The following SCAF1 variants were observed in gnomAD, a reference collection of about 807,000 sequenced individuals.
The protein encoded by SCAF1 is splicing factor, arginine/serine-rich 19.
Under a neutral mutation model 91.2 loss-of-function variants are expected in SCAF1, and 28 were observed. That is an observed-to-expected ratio of 0.31 (90% confidence interval 0.23 to 0.42). The LOEUF (loss-of-function observed/expected upper bound fraction) is 0.42, where lower values mean the gene tolerates loss of function less well. SCAF1 is among the 10% of genes least tolerant of loss of function. The pLI, the probability that SCAF1 is intolerant of heterozygous loss-of-function variation, is 1.00. For missense variants in SCAF1, 1,893 were observed against 1,872.1 expected (o/e 1.01, Z -0.21); for synonymous variants, 1,036 against 833.7 (o/e 1.24, Z -4.18).
chr19:49,648,568 C>G (rs922369612), intron 6 of SCAF1, among the ~76,000 whole-genome samples: 4 of 150,888 alleles, frequency 2.7e-5, no homozygotes, highest in East Asian at 1.9e-4. Context: ...ACACCCCCCC[C>G]CCTTTTTTTT....
chr19:49,645,008 C>G lies in SCAF1; in HGVS notation c.-6-13C>G, dbSNP rs541739692. The G allele has an allele frequency of 1.9e-5, 31 of 1,605,426 alleles. No homozygotes were observed. Among genetic ancestry groups the G allele is most frequent in the East Asian group, 1.6e-4 (7 of 44,814 alleles). ...GGGACCTCCACTCCAAACTCTCCCC[C>G]CTGGACCCCCAGGTGACCATGGAGG... On this transcript the variant is annotated splice_polypyrimidine_tract_variant and intron_variant, in intron 1 of 10. Coordinates refer to ENST00000360565, the MANE Select transcript of SCAF1 (RefSeq NM_021228.3). This position sits in a 1 kb window ranked among gnomAD's most constrained non-coding sequence, Gnocchi z 4.6.
In SCAF1 at chr19:49,652,060, G is replaced by A. The variant is rs1298361284; in HGVS notation, c.1671G>A (p.Ser557=). Residue 557 remains serine, a synonymous_variant, in exon 7 of 11, where the codon TCG becomes TCA. Coordinates refer to ENST00000360565, the MANE Select transcript of SCAF1 (RefSeq NM_021228.3). ...ASPWDSKKHR[S]RDRKPGSHAS... is the part of the protein sequence containing the mutation. ...CCTGGGACTCCAAGAAGCACCGCTC[G>A]CGGGACCGCAAGCCCGGCTCCCACG... 1.6e-6 allele frequency: 2 copies of A among 1,225,674 alleles called. No homozygotes were observed. Among genetic ancestry groups the A allele is most frequent in the Non-Finnish European group, 1.0e-6 (1 of 970,084 alleles). 75.9% of individuals were successfully genotyped at this position (1,225,674 alleles called of 1,614,324 possible).
Position 49,652,324 on chromosome 19 carries a change from G to A in SCAF1, c.1935G>A (p.Lys645=). The A allele has an allele frequency of 6.5e-7, 1 of 1,535,060 alleles. No individual in the cohort carries two copies. Among genetic ancestry groups the A allele is most frequent in the Non-Finnish European group, 8.7e-7 (1 of 1,143,300 alleles). ...GTGGCGGCAGCAAGAAGAAGAAGAAGCGGTCGCGGTCCCGGGGTGAGAAGC... is the reference window on the plus strand; with the variant it reads ...GTGGCGGCAGCAAGAAGAAGAAGAAACGGTCGCGGTCCCGGGGTGAGAAGC... ...RDGGGSKKKK[K]RSRSRGEKRS... is the part of the protein sequence containing the mutation. Residue 645 remains lysine, a synonymous_variant, in exon 7 of 11, where the codon AAG becomes AAA. Coordinates refer to ENST00000360565, the MANE Select transcript of SCAF1 (RefSeq NM_021228.3).
In SCAF1 at chr19:49,653,458, G is replaced by GGAGGAGGAGGAAGAAGAA. The variant is rs764348745; in HGVS notation, c.3084_3101dup (p.Glu1034_Glu1039dup). The GGAGGAGGAGGAAGAAGAA allele has an allele frequency of 2.6e-6, 4 of 1,545,994 alleles. No individual in the cohort carries two copies. The highest frequency in any genetic ancestry group is 2.3e-5 in the East Asian group (1 of 43,040). On this transcript the variant is annotated inframe_insertion, in exon 7 of 11. Coordinates refer to ENST00000360565, the MANE Select transcript of SCAF1 (RefSeq NM_021228.3). ...CTGGGGTCCGAGGTGGGGCGGAGGA[G>GGAGGAGGAGGAAGAAGAA]GAGGAGGAGGAAGAAGAAGAGGAGG... is the stretch of plus-strand genomic sequence containing the variant.
rs776491137 is a variant in SCAF1, at chr19:49,651,178, G to C, written c.789G>C (p.Gly263=). 2 of 1,613,226 alleles carry C rather than the reference G, an allele frequency of 1.2e-6. No individual in the cohort carries two copies. The highest frequency in any genetic ancestry group is 1.7e-5 in the Admixed American group (1 of 59,936). Reference sequence around the variant, plus strand: ...GCTCCAACCCCAGCTCATCAGCGGGGACCCCCTCACCTGAGGAGGAAGAGG... The same window carrying C: ...GCTCCAACCCCAGCTCATCAGCGGGCACCCCCTCACCTGAGGAGGAAGAGG... The part of the protein sequence containing the change: ...PTGSNPSSSA[G]TPSPEEEEEE... Residue 263 remains glycine, a synonymous_variant, in exon 7 of 11, where the codon GGG becomes GGC. Coordinates refer to ENST00000360565, the MANE Select transcript of SCAF1 (RefSeq NM_021228.3).
intron 6 of SCAF1, among the ~76,000 whole-genome samples, chr19:49,650,640 C>G (rs1295209431): frequency 6.6e-6 from 1 of 152,158 alleles, no homozygotes; most frequent in Admixed American, 6.5e-5. Context: ...TCTGTGTGCC[C>G]TTGGGGAGGA....
At position 49,652,704 on chromosome 19, in the gene SCAF1, C is replaced by G. The variant is rs765613770; in HGVS notation, c.2315C>G (p.Ala772Gly). 13 of 1,581,090 alleles carry G rather than the reference C, an allele frequency of 8.2e-6. No homozygotes were observed. Among genetic ancestry groups the G allele is most frequent in the Admixed American group, 3.7e-5 (2 of 54,736 alleles). ...SSREKGSRRKALDGGDRDRDR... is the reference protein window; with the variant it reads ...SSREKGSRRKGLDGGDRDRDR... ...CGGGAGAAGGGGTCTCGTCGGAAGG[C>G]GCTGGACGGGGGTGACCGGGATCGG... Residue 772 changes from alanine (A) to glycine (G), a missense_variant, in exon 7 of 11, where the codon GCG becomes GGG. Physicochemically the swap from Ala to Gly is moderately conservative, Grantham distance 60. Around this residue, in one of 5 missense-constraint regions of SCAF1, gnomAD observed 1,436 missense variants for 1,306.8 expected, o/e 1.10. Transcript: ENST00000360565.
In SCAF1 at chr19:49,651,321, G is replaced by C; in HGVS notation, c.932G>C (p.Ser311Thr). The change falls in exon 7 of 11, where the codon AGC becomes ACC. Residue 311 changes from serine to threonine, a missense_variant. Physicochemically the swap from Ser to Thr is moderately conservative, Grantham distance 58. Around this residue, in one of 5 missense-constraint regions of SCAF1, gnomAD observed 80 missense variants for 116.6 expected, o/e 0.69. Transcript: ENST00000360565. ...LAGIYDDNSL[S>T]QDFPGDESPR... ...GGCATCTACGATGACAACAGCCTGAGCCAGGACTTCCCAGGTGACGAGAGC... is the reference window on the plus strand; with the variant it reads ...GGCATCTACGATGACAACAGCCTGACCCAGGACTTCCCAGGTGACGAGAGC... 2 of 1,610,326 alleles carry C rather than the reference G, an allele frequency of 1.2e-6. No individual in the cohort carries two copies. The highest frequency in any genetic ancestry group is 1.7e-6 in the Non-Finnish European group (2 of 1,179,880).
chr19:49,653,670 C>T lies in SCAF1; in HGVS notation c.3281C>T (p.Ala1094Val). ...CCGCCCATGCCCTGGAATCTGCCAGCTGGTGTGGACTGCACCACCAGCGGC... is the reference window on the plus strand; with the variant it reads ...CCGCCCATGCCCTGGAATCTGCCAGTTGGTGTGGACTGCACCACCAGCGGC... ...LPPPMPWNLP[A>V]GVDCTTSGVL... Residue 1094 changes from alanine (A) to valine (V), a missense_variant, in exon 7 of 11, where the codon GCT (alanine) becomes GTT (valine). By Grantham distance (64) the Ala-to-Val change is moderately conservative (BLOSUM62 0). This residue lies in a region of SCAF1 where 1,436 missense variants were observed against 1,306.8 expected (regional missense o/e 1.10). Coordinates refer to ENST00000360565, the MANE Select transcript of SCAF1 (RefSeq NM_021228.3). 1 of 1,586,144 alleles carries T rather than the reference C, an allele frequency of 6.3e-7. No individual in the cohort carries two copies.
rs753864181 is a variant in SCAF1 at position 49,654,397 on chromosome 19, C to T, written c.3365C>T (p.Ala1122Val). The T allele has an allele frequency of 3.7e-6, 6 of 1,613,382 alleles. No homozygotes were observed. Among genetic ancestry groups the T allele is most frequent in the African/African-American group, 1.3e-5 (1 of 74,910 alleles). The stretch of plus-strand genomic sequence containing the variant: ...GAAGAAGCCAACCTGGCGAGCCGAG[C>T]GAAGGCCCAGGAGCTGATCCAGGCC... ...KMEEANLASR[A>V]KAQELIQATN... Residue 1122 changes from alanine to valine, a missense_variant, in exon 8 of 11, where the codon GCG (alanine) becomes GTG (valine). By Grantham distance (64) the Ala-to-Val change is moderately conservative. Coordinates refer to ENST00000360565, the MANE Select transcript of SCAF1 (RefSeq NM_021228.3).
Position 49,646,889 on chromosome 19 carries a change from G to A in SCAF1, c.478+59G>A. The A allele has an allele frequency of 1.6e-6, 2 of 1,287,416 alleles. No individual in the cohort carries two copies. Among genetic ancestry groups the A allele is most frequent in the Non-Finnish European group, 2.2e-6 (2 of 922,532 alleles). The allele number at this position is 1,287,416 out of a possible 1,614,324, so 79.7% of individuals were successfully genotyped here. On this transcript the variant is annotated intron_variant, in intron 6 of 10. Coordinates refer to ENST00000360565, the MANE Select transcript of SCAF1 (RefSeq NM_021228.3). The surrounding 1 kb of genome is among the most constrained non-coding windows in gnomAD (Gnocchi z 5.6). ...TCGTGGAGTTGTGTGGGGATCGGCT[G>A]TTTTTGGTAGTGATGGTAGCGGTGA...
In SCAF1 at chr19:49,652,078, C is replaced by T. The variant is rs1190131991; in HGVS notation, c.1689C>T (p.Gly563=). 1.7e-6 allele frequency: 2 copies of T among 1,194,984 alleles called. No homozygotes were observed. Among genetic ancestry groups the T allele is most frequent in the Non-Finnish European group, 2.1e-6 (2 of 951,756 alleles). The allele number at this position is 1,194,984 out of a possible 1,614,324, so 74.0% of individuals were successfully genotyped here. The part of the protein sequence containing the change: ...KKHRSRDRKP[G]SHASSSARRR... ...ACCGCTCGCGGGACCGCAAGCCCGG[C>T]TCCCACGCCTCGTCGTCCGCCCGCC... The change falls in exon 7 of 11, where the codon GGC becomes GGT. Residue 563 remains glycine, a synonymous_variant. Coordinates refer to ENST00000360565, the MANE Select transcript of SCAF1 (RefSeq NM_021228.3).
Position 49,645,689 on chromosome 19 carries a change from C to T in SCAF1, c.166+278C>T, listed in dbSNP as rs575771727. Among the ~76,000 whole-genome samples, 9 of 152,288 alleles carry T rather than the reference C, an allele frequency of 5.9e-5. No homozygotes were observed. In the East Asian group the frequency reaches 9.7e-4, roughly 16 times the overall value. ...CCCCGAGCAGGGACAGTGAACGGCTCTCTAAGGACCTAGAAGAGTCTAAGG... is the reference window on the plus strand; with the variant it reads ...CCCCGAGCAGGGACAGTGAACGGCTTTCTAAGGACCTAGAAGAGTCTAAGG... On this transcript the variant is annotated intron_variant, in intron 3 of 10. Coordinates refer to ENST00000360565, the MANE Select transcript of SCAF1 (RefSeq NM_021228.3). The surrounding 1 kb of genome is among the most constrained non-coding windows in gnomAD (Gnocchi z 4.6).
chr19:49,645,051 G>C lies in SCAF1; in HGVS notation c.25G>C (p.Gly9Arg). ...CATGGAGGAAGAAGATGAGTCTCGA[G>C]GGAAGACAGAGGAGTCGGGGGAGGA... is the stretch of plus-strand genomic sequence containing the variant. MEEEDESRGKTEESGEDRG... is the reference protein window; with the variant it reads MEEEDESRRKTEESGEDRG... Residue 9 changes from glycine (G) to arginine (R), a missense_variant, in exon 2 of 11, where the codon GGG (glycine) becomes CGG (arginine). Physicochemically the swap from Gly to Arg is moderately radical, Grantham distance 125 (BLOSUM62 -2). Coordinates refer to ENST00000360565, the MANE Select transcript of SCAF1 (RefSeq NM_021228.3). This position sits in a 1 kb window ranked among gnomAD's most constrained non-coding sequence, Gnocchi z 4.6. 1 of 1,614,138 alleles carries C rather than the reference G, an allele frequency of 6.2e-7. No homozygotes were observed. The highest frequency in any genetic ancestry group is 2.2e-5 in the East Asian group (1 of 44,890).
rs772783911 is a variant in SCAF1 at position 49,652,989 on chromosome 19, G to A, written c.2600G>A (p.Ser867Asn). ...AGLGSIGVKF[S>N]RDRESRSPFL... is the part of the protein sequence containing the mutation. Reference sequence around the variant, plus strand: ...CTGGGCTCCATTGGCGTCAAATTCAGCCGTGACCGCGAGAGTCGCTCCCCC... The same window carrying A: ...CTGGGCTCCATTGGCGTCAAATTCAACCGTGACCGCGAGAGTCGCTCCCCC... Residue 867 changes from serine (S) to asparagine (N), a missense_variant, in exon 7 of 11, where the codon AGC (serine) becomes AAC (asparagine). Transcript: ENST00000360565. 2.5e-6 allele frequency: 4 copies of A among 1,613,992 alleles called. No individual in the cohort carries two copies. In the Admixed American group the frequency reaches 6.7e-5, roughly 27 times the overall value.
chr19:49,652,114 CTCCCG>C lies in SCAF1; in HGVS notation c.1726_1730del (p.Ser576LeufsTer75). ...CGTCGTCCGCCCGCCGCCGCTCCCG[CTCCCG>C]CTCCCGCTCCCGCTCCACCCGCCGC... On this transcript the variant is annotated frameshift_variant, in exon 7 of 11. Transcript: ENST00000360565. LOFTEE classifies it high-confidence loss of function. 2.8e-6 allele frequency: 3 copies of C among 1,083,310 alleles called. No individual in the cohort carries two copies. In the South Asian group the frequency reaches 6.9e-5, roughly 25 times the overall value. 67.1% of individuals were successfully genotyped at this position (1,083,310 alleles called of 1,614,324 possible).
rs1178141327 is a variant in SCAF1, at chr19:49,652,834, C to T, written c.2445C>T (p.Ser815=). ...SGPPPKPPVS[S]GSGSSSSSSS... ...CCCCGCCAAAGCCACCAGTCAGCAG[C>T]GGCTCAGGCTCTTCATCCTCGTCGT... is the stretch of plus-strand genomic sequence containing the variant. The change falls in exon 7 of 11, where the codon AGC becomes AGT. Residue 815 remains serine (S), a synonymous_variant. Transcript: ENST00000360565. 2 of 1,614,042 alleles carry T rather than the reference C, an allele frequency of 1.2e-6. No homozygotes were observed. Among genetic ancestry groups the T allele is most frequent in the Non-Finnish European group, 1.7e-6 (2 of 1,179,996 alleles).
chr19:49,651,536 C>A lies in SCAF1; in HGVS notation c.1147C>A (p.Leu383Met). ...TAGGAALPPP[L>M]LPPGDSEIEE... Reference sequence around the variant, plus strand: ...TGGTGGAGCCGCCCTCCCGCCGCCCCTGCTGCCGCCCGGCGACTCGGAGAT... The same window carrying A: ...TGGTGGAGCCGCCCTCCCGCCGCCCATGCTGCCGCCCGGCGACTCGGAGAT... Residue 383 changes from leucine to methionine, a missense_variant, in exon 7 of 11, where the codon CTG becomes ATG. Physicochemically the swap from Leu to Met is conservative, Grantham distance 15. This residue lies in a region of SCAF1 where 1,436 missense variants were observed against 1,306.8 expected (regional missense o/e 1.10). Coordinates refer to ENST00000360565, the MANE Select transcript of SCAF1 (RefSeq NM_021228.3). 1 of 1,564,600 alleles carries A rather than the reference C, an allele frequency of 6.4e-7. No homozygotes were observed.
chr19:49,652,532 C>T lies in SCAF1; in HGVS notation c.2143C>T (p.Pro715Ser), dbSNP rs754301754. 1 of 1,568,394 alleles carries T rather than the reference C, an allele frequency of 6.4e-7. No homozygotes were observed. The highest frequency in any genetic ancestry group is 1.4e-5 in the African/African-American group (1 of 73,798). ...ITVGRLDKSD[P>S]RGPSPAPASS... is the part of the protein sequence containing the mutation. ...GGTGGGCCGGCTTGACAAGTCCGAC[C>T]CCCGAGGACCCTCTCCTGCTCCGGC... Residue 715 changes from proline (P) to serine (S), a missense_variant, in exon 7 of 11, where the codon CCC becomes TCC. Transcript: ENST00000360565.
Sources: allele counts gnomAD v4.1 joint callset (sites outside exome capture counted in the v4.1 genomes callset), GRCh38; gene constraint gnomAD v4.1.1; regional missense constraint gnomAD v4.1.1; non-coding constraint Gnocchi (gnomAD v3.1); transcripts MANE v1.5; gene names NCBI Gene and HGNC (gene_info 2026-07-23, HGNC 2026-07-21).